The following PDE8B variants were observed in gnomAD, a reference collection of about 807,000 sequenced individuals.
PDE8B encodes the protein phosphodiesterase 8B, also known as high affinity cAMP-specific and IBMX-insensitive 3',5'-cyclic phosphodiesterase 8B.
A neutral mutation model predicts 101.3 loss-of-function variants in PDE8B; 26 were observed. That is an observed-to-expected ratio of 0.26 (90% CI 0.19 to 0.36). The LOEUF (loss-of-function observed/expected upper bound fraction) is 0.36, where lower values mean the gene tolerates loss of function less well. Among genes scored for constraint, PDE8B ranks in the 10% least tolerant of loss-of-function variants. PDE8B has a pLI of 1.00. For missense variants in PDE8B, 810 were observed against 1,163.1 expected (o/e 0.70, Z 4.42); for synonymous variants, 424 against 429.3 (o/e 0.99, Z 0.15).
intron 2 of PDE8B, among the ~76,000 whole-genome samples, chr5:77,314,873 C>T (rs1580985611): frequency 6.6e-6 from 1 of 152,082 alleles, no homozygotes; most frequent in East Asian, 1.9e-4. Context: ...TAAATTTTAG[C>T]TATTCTGGTG....
chr5:77,388,150 A>G (rs1789131122), intron 10 of PDE8B, among the ~76,000 whole-genome samples: 1 of 152,124 alleles, frequency 6.6e-6, no homozygotes, highest in African/African-American at 2.4e-5. Context: ...TTGGAGGAGA[A>G]GAGGTGTTCT....
chr5:77,133,933 A>G, the PDE8B span, among the ~76,000 whole-genome samples: 2 of 152,202 alleles, frequency 1.3e-5, no homozygotes. Context: ...GGAAGGTTCC[A>G]CAGTTCATCC....
intron 4 of PDE8B, among the ~76,000 whole-genome samples, chr5:77,331,123 A>G (rs1777037206): frequency 6.6e-6 from 1 of 152,186 alleles, no homozygotes; most frequent in Non-Finnish European, 1.5e-5. Flanking sequence ...GCTCAACCCC[A>G]AAGGGCAGCT....
intron 20 of PDE8B, among the ~76,000 whole-genome samples, chr5:77,424,766 A>G (rs1199493523): frequency 2.0e-5 from 3 of 151,920 alleles, no homozygotes; most frequent in Non-Finnish European, 4.4e-5. Flanking sequence ...ACAATTAATA[A>G]CTCTTACTGC....
intron 20 of PDE8B, 132 bp from the exon 21 acceptor site, chr5:77,425,635 T>C: frequency 1.1e-6 from 1 of 887,996 alleles, no homozygotes; most frequent in South Asian, 1.4e-5. Context: ...TCTGAGGACC[T>C]TGCTGAGCCT....
chr5:77,414,395 C>T (rs979908995), intron 17 of PDE8B, among the ~76,000 whole-genome samples: 13 of 152,128 alleles, frequency 8.5e-5, no homozygotes, highest in African/African-American at 3.1e-4. Context: ...TGGATTCCTA[C>T]TACAGGTTCA....
At chr5:77,298,263 C>A (rs767910893) in intron 1 of PDE8B, among the ~76,000 whole-genome samples, 1 of 152,184 alleles carries the variant, frequency 6.6e-6, no homozygotes, top group Non-Finnish European at 1.5e-5. Context: ...CTTTAGACAT[C>A]ATTTCAATCT....
rs138467358 is a variant in PDE8B at position 77,367,094 on chromosome 5, T to C, written c.1167+13688T>C. On this transcript the variant is annotated intron_variant, in intron 10 of 21. Transcript: ENST00000264917. ...CCTTTCAAAAATTCTTTTTAGACAA[T>C]GTGGACTGTTATTTGTAAACTTAGA... Among the ~76,000 whole-genome samples, 1,357 of 152,168 alleles carry C rather than the reference T, an allele frequency of 8.9e-3. 12 individuals are homozygous for C. Among genetic ancestry groups the C allele is most frequent in the South Asian group, 0.035 (167 of 4,818 alleles).
chr5:77,205,192 T>A, the PDE8B span, among the ~76,000 whole-genome samples: 1 of 152,194 alleles, frequency 6.6e-6, no homozygotes, highest in Admixed American at 6.5e-5. Context: ...AAGTCAGATG[T>A]TGGCTGACTC....
At chr5:77,348,159 T>G (rs1389834166) in intron 7 of PDE8B, among the ~76,000 whole-genome samples, 1 of 152,204 alleles carries the variant, frequency 6.6e-6, no homozygotes, top group African/African-American at 2.4e-5. Flanking sequence ...TGTGCCACCC[T>G]GTTCATGACT....
At chr5:77,142,342 CTTAT>C in the PDE8B span, 3 of 152,258 alleles carry the variant, frequency 2.0e-5, no homozygotes, top group South Asian at 2.1e-4. Flanking sequence ...CTAAACTGCA[CTTAT>C]TTAAAGTACA....
the PDE8B span, among the ~76,000 whole-genome samples, chr5:77,103,314 C>T: frequency 1.3e-5 from 2 of 152,180 alleles, no homozygotes; most frequent in Non-Finnish European, 2.9e-5. Context: ...TACACTTCCT[C>T]CCAGAAGCTA....
At chr5:77,209,170 G>GT (rs1747774051), upstream of PDE8B, among the ~76,000 whole-genome samples, 2 of 152,098 alleles carry the variant, frequency 1.3e-5, no homozygotes, top group South Asian at 2.1e-4. Flanking sequence ...TGGAGATGGA[G>GT]TTTTTTTGTA....
intron 1 of PDE8B, among the ~76,000 whole-genome samples, chr5:77,304,874 C>T (rs528245551): frequency 2.0e-5 from 3 of 152,212 alleles, no homozygotes; most frequent in South Asian, 2.1e-4. Context: ...TTGTGTTTTT[C>T]GTGGAGCTAT....
chr5:77,258,118 G>A (rs1206231759), intron 1 of PDE8B, among the ~76,000 whole-genome samples: 7 of 151,620 alleles, frequency 4.6e-5, no homozygotes, highest in East Asian at 1.9e-4. Context: ...GTGACACCCC[G>A]TCTCCACTAA....
chr5:77,128,017 C>T, the PDE8B span, among the ~76,000 whole-genome samples: 7 of 152,168 alleles, frequency 4.6e-5, 1 homozygote, highest in African/African-American at 1.4e-4. Flanking sequence ...TCTATTTCAC[C>T]GTGGGCTTGA....
At chr5:77,350,579 G>T (rs1780911257) in intron 8 of PDE8B, among the ~76,000 whole-genome samples, 1 of 150,946 alleles carries the variant, frequency 6.6e-6, no homozygotes, top group African/African-American at 2.5e-5. Context: ...CTTGGCTGGG[G>T]GGCCCGTAGG....
intron 1 of PDE8B, among the ~76,000 whole-genome samples, chr5:77,306,401 A>G (rs1218276066): frequency 6.6e-6 from 1 of 152,222 alleles, no homozygotes; most frequent in Non-Finnish European, 1.5e-5. Context: ...TATGTCCTCA[A>G]GAAACTCACA....
chr5:77,149,083 T>G, the PDE8B span, among the ~76,000 whole-genome samples: 3 of 152,210 alleles, frequency 2.0e-5, no homozygotes, highest in Admixed American at 2.0e-4. Flanking sequence ...TTCGTACATG[T>G]GGATGTACAA....
Sources: allele counts gnomAD v4.1 joint callset (sites outside exome capture counted in the v4.1 genomes callset), GRCh38; gene constraint gnomAD v4.1.1; transcripts MANE v1.5; gene names NCBI Gene and HGNC (gene_info 2026-07-23, HGNC 2026-07-21).